The following AXDND1 variants were observed in gnomAD, a reference collection of about 807,000 sequenced individuals.
AXDND1 encodes axonemal dynein light chain domain containing 1.
Under a neutral mutation model 137.5 loss-of-function variants are expected in AXDND1, and 110 were observed. That is an observed-to-expected ratio of 0.80 (90% CI 0.69 to 0.94). AXDND1 has a LOEUF of 0.94. Ranked by LOEUF, AXDND1 falls within the 40% of genes least tolerant of loss-of-function variation. AXDND1 has a pLI of 0.00. For synonymous variants in AXDND1, 414 were observed against 399.7 expected, an observed-to-expected ratio of 1.04 and a Z score of -0.43; for missense variants, 1,191 against 1,169.8, an observed-to-expected ratio of 1.02 and a Z score of -0.26.
chr1:179,393,994 A>G lies in AXDND1; in HGVS notation c.955A>G (p.Ile319Val). The change falls in exon 10 of 26, where the codon ATT (isoleucine) becomes GTT (valine). Residue 319 changes from isoleucine (I) to valine (V), a missense_variant. Physicochemically the swap from Ile to Val is conservative, Grantham distance 29. Coordinates refer to ENST00000367618, the MANE Select transcript of AXDND1 (RefSeq NM_144696.6). ...LVTQRVMDQR[I>V]LEELYNFKHV... Reference sequence around the variant, plus strand: ...AACTCAGCGAGTGATGGACCAGCGCATTTTAGAAGAATTGTATAATTTCAA... The same window carrying G: ...AACTCAGCGAGTGATGGACCAGCGCGTTTTAGAAGAATTGTATAATTTCAA... The G allele has an allele frequency of 1.2e-6, 2 of 1,610,962 alleles. No individual in the cohort carries two copies. Among genetic ancestry groups the G allele is most frequent in the East Asian group, 2.2e-5 (1 of 44,630 alleles).
chr1:179,481,265 A>T (rs1036077190), intron 17 of AXDND1, among the ~76,000 whole-genome samples: 2 of 152,122 alleles, frequency 1.3e-5, no homozygotes, highest in African/African-American at 4.8e-5. Flanking sequence ...TAGTTTGCTG[A>T]GAATGATGGT....
intron 24 of AXDND1, 31 bp downstream of exon 24, chr1:179,533,908 A>T (rs775463499): frequency 3.5e-5 from 55 of 1,587,168 alleles, no homozygotes; most frequent in Middle Eastern, 1.7e-4. Context: ...TGGTAAGAGG[A>T]TGAAAATGGC....
At chr1:179,369,880 T>C (rs1667859629) in intron 3 of AXDND1, 95 bp from the exon 4 acceptor site, 2 of 861,362 alleles carry the variant, frequency 2.3e-6, no homozygotes, top group Admixed American at 5.1e-5. Flanking sequence ...CAAGTGCCCT[T>C]AATGTAAATA....
At chr1:179,462,762 TC>T (rs1282471038) in intron 16 of AXDND1, among the ~76,000 whole-genome samples, 2 of 146,612 alleles carry the variant, frequency 1.4e-5, no homozygotes, top group African/African-American at 5.1e-5. Flanking sequence ...CCTGTTTTTT[TC>T]AGTTGGTAGG....
intron 15 of AXDND1, among the ~76,000 whole-genome samples, chr1:179,443,390 T>A (rs10913762): frequency 6.6e-6 from 1 of 152,020 alleles, no homozygotes; most frequent in Admixed American, 6.5e-5. Flanking sequence ...TTTTTTATTG[T>A]GGTAAAATAT....
chr1:179,376,061 C>T (rs923386691), intron 4 of AXDND1, among the ~76,000 whole-genome samples: 2 of 152,306 alleles, frequency 1.3e-5, no homozygotes, highest in Admixed American at 1.3e-4. Context: ...CACAATATTG[C>T]AACTGTTATA....
chr1:179,422,998 A>C (rs189724948), intron 12 of AXDND1, among the ~76,000 whole-genome samples: 39 of 152,208 alleles, frequency 2.6e-4, no homozygotes, highest in Non-Finnish European at 1.2e-4. Flanking sequence ...TCCTGACCTC[A>C]AGTGATCCGC....
At chr1:179,425,508 TA>T (rs1235296046) in intron 12 of AXDND1, among the ~76,000 whole-genome samples, 1 of 152,160 alleles carries the variant, frequency 6.6e-6, no homozygotes, top group Non-Finnish European at 1.5e-5. Context: ...CAGGCATATT[TA>T]TCTCTTCAGG....
intron 25 of AXDND1, among the ~76,000 whole-genome samples, chr1:179,542,256 G>T (rs967651038): frequency 6.6e-6 from 1 of 152,032 alleles, no homozygotes; most frequent in African/African-American, 2.4e-5. Flanking sequence ...CCAACCTGTG[G>T]TCTGTTCCCA....
At chr1:179,511,422 G>GTGTA (rs1553300903) in intron 21 of AXDND1, among the ~76,000 whole-genome samples, 1 of 149,420 alleles carries the variant, frequency 6.7e-6, no homozygotes, top group African/African-American at 2.5e-5. Flanking sequence ...GTGTGTGTGT[G>GTGTA]TATATGTATA....
intron 21 of AXDND1, among the ~76,000 whole-genome samples, chr1:179,524,267 A>G (rs1670337472): frequency 6.6e-6 from 1 of 152,186 alleles, no homozygotes; most frequent in Non-Finnish European, 1.5e-5. Flanking sequence ...GAATCACTAC[A>G]CTGTTTTCCA....
intron 15 of AXDND1, among the ~76,000 whole-genome samples, chr1:179,440,386 A>G (rs1231265520): frequency 6.6e-6 from 1 of 152,270 alleles, no homozygotes; most frequent in Non-Finnish European, 1.5e-5. Flanking sequence ...GCATATGAGA[A>G]TAAGTGTCTA....
intron 16 of AXDND1, chr1:179,456,472 A>G (rs1420372562): frequency 3.9e-6 from 3 of 768,014 alleles, no homozygotes; most frequent in East Asian, 2.4e-5. Context: ...CCGTTGTTAT[A>G]GCTATTATAG....
At chr1:179,396,722 TATAG>T (rs780798260) in intron 11 of AXDND1, among the ~76,000 whole-genome samples, 1 of 152,160 alleles carries the variant, frequency 6.6e-6, no homozygotes, top group Non-Finnish European at 1.5e-5. Flanking sequence ...TTATGATGCA[TATAG>T]AACAAATATT....
chr1:179,482,852 G>A (rs1276670025), intron 17 of AXDND1, among the ~76,000 whole-genome samples: 5 of 151,572 alleles, frequency 3.3e-5, no homozygotes, highest in Non-Finnish European at 7.4e-5. Flanking sequence ...TGTAAAGGGT[G>A]TAAGTTTTTA....
intron 16 of AXDND1, chr1:179,456,348 C>T (rs1661404829): frequency 1.3e-6 from 1 of 769,704 alleles, no homozygotes. Context: ...TCCAAAGTTT[C>T]CTCCCTTCGT....
intron 16 of AXDND1, chr1:179,448,766 G>T (rs1003954730): frequency 6.1e-6 from 1 of 163,266 alleles, no homozygotes. Flanking sequence ...TTTTTTGTTT[G>T]TACTTTTGGT....
At chr1:179,552,345 C>T (rs747050106) in intron 25 of AXDND1, 20 of 547,856 alleles carry the variant, frequency 3.7e-5, no homozygotes, top group Non-Finnish European at 6.0e-5. Flanking sequence ...GGAGGAGATG[C>T]CTTTAAGGAG....
intron 21 of AXDND1, among the ~76,000 whole-genome samples, chr1:179,523,007 A>C (rs1670210528): frequency 2.0e-5 from 3 of 151,586 alleles, no homozygotes; most frequent in Non-Finnish European, 1.5e-5. Flanking sequence ...GCTGCTGTAA[A>C]CACCCAGAGG....
Sources: gnomAD v4.1 joint callset for allele counts (sites outside exome capture counted in the v4.1 genomes callset) on GRCh38, gnomAD v4.1.1 for gene constraint, MANE v1.5 for transcripts, NCBI Gene and HGNC (gene_info 2026-07-23, HGNC 2026-07-21) for gene names.